The following XYLB variants were observed in gnomAD, a reference collection of about 807,000 sequenced individuals.
XYLB encodes xylulokinase, also known as xylulose kinase.
XYLB carries 62 observed loss-of-function variants against 78.7 expected under a neutral mutation model. The ratio of observed to expected loss-of-function variants is 0.79; its 90% CI spans 0.64 to 0.97. The LOEUF is 0.97. Ranked by LOEUF, XYLB falls within the 50% of genes least tolerant of loss-of-function variation. The pLI, the probability that XYLB is intolerant of heterozygous loss-of-function variation, is 0.00. For synonymous variants in XYLB, 245 were observed against 247.4 expected (o/e 0.99, Z 0.09); for missense variants, 687 against 676.8 (o/e 1.02, Z -0.17).
In XYLB at chr3:38,372,695, C is replaced by T; in HGVS notation, c.806C>T (p.Pro269Leu). Residue 269 changes from proline to leucine, a missense_variant, in exon 10 of 19, where the codon CCT becomes CTT. By Grantham distance (98) the Pro-to-Leu change is moderately conservative. Transcript: ENST00000207870. Reference sequence around the variant, plus strand: ...TACTACGTCCAGCGCTACGGATTTCCTCCAGGATGCAAAGTGGTGGCCTTC... The same window carrying T: ...TACTACGTCCAGCGCTACGGATTTCTTCCAGGATGCAAAGTGGTGGCCTTC... ...SSYYVQRYGF[P>L]PGCKVVAFTG... 6.2e-7 allele frequency: 1 copy of T among 1,614,180 alleles called. No homozygotes were observed. Among genetic ancestry groups the T allele is most frequent in the Non-Finnish European group, 8.5e-7 (1 of 1,180,036 alleles).
At chr3:38,425,794 G>A (rs1709088609), downstream of XYLB, among the ~76,000 whole-genome samples, 1 of 152,216 alleles carries the variant, frequency 6.6e-6, no homozygotes. Flanking sequence ...CCCACTTGCA[G>A]CCATGTTGAG....
At chr3:38,436,871 G>T in the XYLB span, among the ~76,000 whole-genome samples, 3 of 151,888 alleles carry the variant, frequency 2.0e-5, no homozygotes, top group Non-Finnish European at 4.4e-5. Context: ...AGGTGTGATG[G>T]TGGGCGCCTG....
At chr3:38,449,420 C>T in the XYLB span, among the ~76,000 whole-genome samples, 8 of 152,264 alleles carry the variant, frequency 5.3e-5, no homozygotes, top group Admixed American at 4.6e-4. Flanking sequence ...CATGCCCAGC[C>T]TTATTTTTAT....
At chr3:38,422,980 C>G (rs1246468648), downstream of XYLB, among the ~76,000 whole-genome samples, 1 of 152,146 alleles carries the variant, frequency 6.6e-6, no homozygotes, top group Non-Finnish European at 1.5e-5. Context: ...TAAAGAAGAA[C>G]TGGAGGCTTT....
rs1248152965 is a variant in XYLB at position 38,386,461 on chromosome 3, AT to A, written c.1291+7126del. Among the ~76,000 whole-genome samples, 6 of 152,064 alleles carry A rather than the reference AT, an allele frequency of 3.9e-5. No individual in the cohort carries two copies. In the East Asian group the frequency reaches 5.8e-4, roughly 15 times the overall value. ...AATTGAATCTATCCATTTATTTTTT[AT>A]TTTTTTAATCCATCCATTTACAAAA... On this transcript the variant is annotated intron_variant, in intron 15 of 18. Transcript: ENST00000207870.
At chr3:38,404,143 C>T (rs1708223672) in intron 18 of XYLB, among the ~76,000 whole-genome samples, 1 of 152,164 alleles carries the variant, frequency 6.6e-6, no homozygotes, top group Admixed American at 6.5e-5. Context: ...AATCAAAGCC[C>T]CTTAGCTTTG....
At chr3:38,411,707 A>T (rs1405926268) in intron 18 of XYLB, among the ~76,000 whole-genome samples, 1 of 151,514 alleles carries the variant, frequency 6.6e-6, no homozygotes, top group Non-Finnish European at 1.5e-5. Flanking sequence ...TTAACTTTCT[A>T]GCTCTGTTTT....
At chr3:38,420,146 T>C (rs963235005) in exon 18 of XYLB, among the ~76,000 whole-genome samples, 3 of 152,218 alleles carry the variant, frequency 2.0e-5, no homozygotes, top group African/African-American at 2.4e-5. Context: ...TTTGATTTTG[T>C]GTCTTGCAAC....
At chr3:38,412,396 T>C (rs1425811057) in intron 18 of XYLB, among the ~76,000 whole-genome samples, 1 of 152,148 alleles carries the variant, frequency 6.6e-6, no homozygotes, top group East Asian at 1.9e-4. Context: ...TGGTCTTCCA[T>C]TGAGAGGAGC....
At chr3:38,397,648 C>CT (rs2125649103) in intron 17 of XYLB, among the ~76,000 whole-genome samples, 1 of 152,046 alleles carries the variant, frequency 6.6e-6, no homozygotes, top group East Asian at 1.9e-4. Flanking sequence ...GGAAGCTCCC[C>CT]GATCTAGGCG....
rs549690143 is a variant in XYLB at position 38,346,846 on chromosome 3, C to T, written c.-23C>T. Reference sequence around the variant, plus strand: ...CGTGGCGGACGGACGGACTGACGGACGCGCAGCCTTACCCGAAAGGCCATG... The same window carrying T: ...CGTGGCGGACGGACGGACTGACGGATGCGCAGCCTTACCCGAAAGGCCATG... On this transcript the variant is annotated 5_prime_UTR_variant, in exon 1 of 19. The change creates a new upstream start codon in the 5' untranslated region. Transcript: ENST00000207870. 8.7e-6 allele frequency: 13 copies of T among 1,500,494 alleles called. No individual in the cohort carries two copies. The highest frequency in any genetic ancestry group is 1.9e-4 in the Middle Eastern group (1 of 5,350). The allele number at this position is 1,500,494 out of a possible 1,614,324, so 92.9% of individuals were successfully genotyped here.
intron 18 of XYLB, among the ~76,000 whole-genome samples, chr3:38,406,163 C>T (rs1056234301): frequency 1.2e-4 from 19 of 152,342 alleles, no homozygotes; most frequent in Non-Finnish European, 2.1e-4. Context: ...ACAGCCCACA[C>T]GGCCGGGTAC....
chr3:38,377,709 G>A (rs1485516382), intron 14 of XYLB, among the ~76,000 whole-genome samples: 1 of 151,988 alleles, frequency 6.6e-6, no homozygotes, highest in Non-Finnish European at 1.5e-5. Flanking sequence ...CAAAATGCTG[G>A]GATTACAGGT....
At chr3:38,374,985 G>A in intron 11 of XYLB, among the ~76,000 whole-genome samples, 159 bp from the exon 12 acceptor site, 1 of 152,208 alleles carries the variant, frequency 6.6e-6, no homozygotes, top group Non-Finnish European at 1.5e-5. Flanking sequence ...TCTGGTATGG[G>A]AGGGTCAGAA....
downstream of XYLB, among the ~76,000 whole-genome samples, chr3:38,419,603 T>TATATATATATATA (rs71085322): frequency 2.5e-5 from 2 of 80,890 alleles, no homozygotes. Flanking sequence ...TATATATATA[T>TATATATATATATA]AATAGCCATC....
chr3:38,388,895 A>G (rs976138758), intron 15 of XYLB, among the ~76,000 whole-genome samples: 14 of 151,710 alleles, frequency 9.2e-5, no homozygotes, highest in South Asian at 8.3e-4. Flanking sequence ...CTATTAAGGC[A>G]TACTTCCTTT....
At chr3:38,435,189 C>T in the XYLB span, among the ~76,000 whole-genome samples, 11 of 152,182 alleles carry the variant, frequency 7.2e-5, no homozygotes, top group South Asian at 2.3e-3. Context: ...ACAGGAAATT[C>T]ACCTTATCAG....
chr3:38,359,783 T>C (rs746526759), intron 2 of XYLB, among the ~76,000 whole-genome samples: 4 of 152,220 alleles, frequency 2.6e-5, no homozygotes, highest in South Asian at 2.1e-4. Flanking sequence ...GGTTATCTAA[T>C]AGCATCTTGG....
downstream of XYLB, among the ~76,000 whole-genome samples, chr3:38,423,549 C>T (rs1157034612): frequency 3.9e-5 from 6 of 152,164 alleles, no homozygotes; most frequent in African/African-American, 1.4e-4. Flanking sequence ...TTTATTATCC[C>T]CTTAGCTGAG....
Sources: gnomAD v4.1 joint callset for allele counts (sites outside exome capture counted in the v4.1 genomes callset) on GRCh38, gnomAD v4.1.1 for gene constraint, MANE v1.5 for transcripts, NCBI Gene and HGNC (gene_info 2026-07-23, HGNC 2026-07-21) for gene names.